Variants in KDM4C observed in about 807,000 individuals in gnomAD.
The protein encoded by KDM4C is lysine demethylase 4C.
KDM4C carries 81 observed loss-of-function variants against 129.3 expected under a neutral mutation model. The observed-to-expected ratio is 0.63, with a 90% CI of 0.52 to 0.75. KDM4C has a LOEUF of 0.75. Among genes scored for constraint, KDM4C ranks in the 30% least tolerant of loss-of-function variants. KDM4C has a pLI of 0.00. For missense variants in KDM4C, 1,457 were observed against 1,304.0 expected (o/e 1.12, Z -1.81); for synonymous variants, 573 against 456.1 (o/e 1.26, Z -3.26).
At chr9:7,076,534 C>T (rs1833940120) in intron 17 of KDM4C, 4 of 1,538,604 alleles carry the variant, frequency 2.6e-6, no homozygotes, top group African/African-American at 1.4e-5. Context: ...TACATCCCCT[C>T]CGCCACTGTT....
At chr9:7,074,568 C>T (rs1217677153) in intron 17 of KDM4C, among the ~76,000 whole-genome samples, 1 of 152,100 alleles carries the variant, frequency 6.6e-6, no homozygotes, top group Admixed American at 6.6e-5. Context: ...CGTTATTTTT[C>T]AGCTTATAAG....
At chr9:6,810,470 G>T (rs938287949) in intron 3 of KDM4C, among the ~76,000 whole-genome samples, 2 of 151,988 alleles carry the variant, frequency 1.3e-5, no homozygotes, top group East Asian at 3.8e-4. Flanking sequence ...TGACATTCTG[G>T]GGTTTAGAGA....
intron 17 of KDM4C, among the ~76,000 whole-genome samples, chr9:7,101,456 C>T (rs1298787680): frequency 6.6e-6 from 1 of 152,206 alleles, no homozygotes; most frequent in Non-Finnish European, 1.5e-5. Flanking sequence ...GGTTCTCTGT[C>T]TCTGCAAGAA....
chr9:7,052,910 T>C lies in KDM4C; in HGVS notation c.2424+3710T>C, dbSNP rs532266098. Among the ~76,000 whole-genome samples the C allele has an allele frequency of 4.2e-3, 533 of 126,800 alleles. 32 individuals carry two copies. Among genetic ancestry groups the C allele is most frequent in the South Asian group, 0.011 (35 of 3,314 alleles). 83.2% of individuals were successfully genotyped at this position (126,800 alleles called of 152,430 possible). On this transcript the variant is annotated intron_variant, in intron 17 of 21. Transcript: ENST00000381309. ...GAGAGAGAGAGAGAGAGCGAGCGAG[T>C]GCCCAAGGGATGACAATAGAGCATC...
chr9:6,898,671 C>G (rs1426691178), intron 8 of KDM4C, among the ~76,000 whole-genome samples: 1 of 152,168 alleles, frequency 6.6e-6, no homozygotes, highest in Non-Finnish European at 1.5e-5. Flanking sequence ...TCCCTTTAAT[C>G]TGGCAGGGGT....
chr9:6,931,313 TACAC>T (rs1421439804), intron 8 of KDM4C, among the ~76,000 whole-genome samples: 2 of 152,158 alleles, frequency 1.3e-5, no homozygotes, highest in African/African-American at 4.8e-5. Flanking sequence ...TTAACAGTGA[TACAC>T]AATAAATAAA....
intron 3 of KDM4C, among the ~76,000 whole-genome samples, chr9:6,809,566 G>A (rs902340743): frequency 1.3e-5 from 2 of 152,186 alleles, no homozygotes; most frequent in African/African-American, 4.8e-5. Context: ...AGTGCTATGA[G>A]GTTTCAAAGG....
intron 1 of KDM4C, among the ~76,000 whole-genome samples, chr9:6,776,179 G>C (rs1291788991): frequency 6.6e-6 from 1 of 152,098 alleles, no homozygotes; most frequent in Admixed American, 6.6e-5. Context: ...TGAACTCCTG[G>C]GCTCTGGGTA....
intron 4 of KDM4C, among the ~76,000 whole-genome samples, chr9:6,843,429 A>G (rs1361699195): frequency 6.6e-6 from 1 of 152,236 alleles, no homozygotes; most frequent in Non-Finnish European, 1.5e-5. Flanking sequence ...TAAGGTAGGC[A>G]TGTGTGGATT....
At chr9:6,814,607 A>C (rs761630213) in intron 3 of KDM4C, 24 bp from the exon 4 acceptor site, 143 of 1,436,354 alleles carry the variant, frequency 1.0e-4, no homozygotes, top group Non-Finnish European at 1.3e-4. Flanking sequence ...TGGTTTGTAC[A>C]TTTTTGTCAT....
chr9:6,752,280 T>A (rs1175506490), intron 1 of KDM4C, among the ~76,000 whole-genome samples: 1 of 112,988 alleles, frequency 8.9e-6, no homozygotes, highest in Non-Finnish European at 1.6e-5. Flanking sequence ...TTGCAGTGAG[T>A]CGAGATCGCG....
intron 19 of KDM4C, among the ~76,000 whole-genome samples, chr9:7,164,088 GAAT>G (rs1355656687): frequency 3.3e-5 from 5 of 152,130 alleles, no homozygotes; most frequent in African/African-American, 1.2e-4. Flanking sequence ...TTAAACCACA[GAAT>G]ATGCCCAGTC....
At position 7,126,314 on chromosome 9, in the gene KDM4C, T is replaced by G. The variant is rs550835625; in HGVS notation, c.2611-1752T>G. Among the ~76,000 whole-genome samples the G allele has an allele frequency of 1.1e-4, 17 of 152,336 alleles. No homozygotes were observed. In the East Asian group the frequency reaches 3.1e-3, roughly 28 times the overall value. On this transcript the variant is annotated intron_variant, in intron 18 of 21. Coordinates refer to ENST00000381309, the MANE Select transcript of KDM4C (RefSeq NM_015061.6). ...GTCAGTATGAGCTGGTAATTGAACT[T>G]GAGTCTTAATTCTTAATTTAAAAAT... is the stretch of plus-strand genomic sequence containing the variant.
intron 4 of KDM4C, among the ~76,000 whole-genome samples, chr9:6,840,762 A>G (rs1836773087): frequency 6.6e-6 from 1 of 152,226 alleles, no homozygotes; most frequent in Non-Finnish European, 1.5e-5. Flanking sequence ...TTTCATCTGT[A>G]AAATGAAATG....
At chr9:6,790,498 C>T (rs1233478619) in intron 1 of KDM4C, among the ~76,000 whole-genome samples, 1 of 151,406 alleles carries the variant, frequency 6.6e-6, no homozygotes, top group African/African-American at 2.4e-5. Context: ...AACTGATCCG[C>T]CCGCCTCGGC....
intron 3 of KDM4C, among the ~76,000 whole-genome samples, chr9:6,810,020 C>T (rs1830850394): frequency 6.6e-6 from 1 of 151,006 alleles, no homozygotes; most frequent in Admixed American, 6.6e-5. Context: ...CAAATATAGC[C>T]ATATATAACT....
At chr9:6,927,068 T>G (rs1822708423) in intron 8 of KDM4C, among the ~76,000 whole-genome samples, 1 of 150,962 alleles carries the variant, frequency 6.6e-6, no homozygotes, top group Non-Finnish European at 1.5e-5. Flanking sequence ...CCCCTTAGAT[T>G]CTATCCTTTC....
At chr9:6,897,768 C>T (rs756901996) in intron 8 of KDM4C, among the ~76,000 whole-genome samples, 24 of 152,264 alleles carry the variant, frequency 1.6e-4, no homozygotes, top group Admixed American at 7.8e-4. Flanking sequence ...ATTAATGGAA[C>T]GTAACATCTA....
chr9:6,722,822 T>C (rs1816999563), intron 1 of KDM4C, among the ~76,000 whole-genome samples: 1 of 150,398 alleles, frequency 6.6e-6, no homozygotes, highest in South Asian at 2.1e-4. Flanking sequence ...CTACAAAAGA[T>C]TTTTTAAAAA....
Sources: gnomAD v4.1 joint callset for allele counts (sites outside exome capture counted in the v4.1 genomes callset) on GRCh38, gnomAD v4.1.1 for gene constraint, MANE v1.5 for transcripts, NCBI Gene and HGNC (gene_info 2026-07-23, HGNC 2026-07-21) for gene names.